The following GUCY1A2 variants were observed in gnomAD, a reference collection of about 807,000 sequenced individuals.
The protein encoded by GUCY1A2 is guanylate cyclase soluble subunit alpha-2.
GUCY1A2 carries 27 observed loss-of-function variants against 63.5 expected under a neutral mutation model. That is an observed-to-expected ratio of 0.43 (90% CI 0.31 to 0.59). The LOEUF (loss-of-function observed/expected upper bound fraction) is 0.59, where lower values mean the gene tolerates loss of function less well. Ranked by LOEUF, GUCY1A2 falls within the 20% of genes least tolerant of loss-of-function variation. The probability of loss-of-function intolerance (pLI) is 0.11; values close to 1 mark genes in which losing one functional copy is unlikely to be tolerated. For synonymous variants in GUCY1A2, 364 were observed against 343.5 expected (o/e 1.06, Z -0.66); for missense variants, 768 against 913.3 (o/e 0.84, Z 2.05).
At chr11:106,907,173 T>C (rs1199706419) in intron 4 of GUCY1A2, among the ~76,000 whole-genome samples, 1 of 152,080 alleles carries the variant, frequency 6.6e-6, no homozygotes, top group East Asian at 1.9e-4. Flanking sequence ...AGAACTGTTG[T>C]TTCCAAGCAG....
intron 4 of GUCY1A2, chr11:106,827,079 A>G: frequency 6.6e-7 from 1 of 1,510,844 alleles, no homozygotes; most frequent in Non-Finnish European, 9.2e-7. Flanking sequence ...TCAAAATTCT[A>G]AACTCATCCT....
chr11:106,795,489 A>T (rs553595169), intron 5 of GUCY1A2, among the ~76,000 whole-genome samples: 1 of 152,318 alleles, frequency 6.6e-6, no homozygotes, highest in South Asian at 2.1e-4. Flanking sequence ...AATCTTAAGA[A>T]CAGCATTATC....
intron 5 of GUCY1A2, among the ~76,000 whole-genome samples, chr11:106,784,627 T>C (rs1023395827): frequency 5.3e-5 from 8 of 152,204 alleles, no homozygotes; most frequent in Admixed American, 5.2e-4. Flanking sequence ...CCTCCACATT[T>C]TAATTTTATC....
intron 6 of GUCY1A2, among the ~76,000 whole-genome samples, chr11:106,721,284 C>T (rs1176238067): frequency 2.6e-5 from 4 of 152,106 alleles, no homozygotes; most frequent in Non-Finnish European, 4.4e-5. Context: ...CTCTCAAACT[C>T]GCGGCCTCAG....
chr11:106,849,595 C>T (rs1859323631), intron 4 of GUCY1A2, among the ~76,000 whole-genome samples: 1 of 151,412 alleles, frequency 6.6e-6, no homozygotes, highest in Admixed American at 6.6e-5. Context: ...GAGCCCTCTC[C>T]CAGCTCCATA....
chr11:106,726,858 A>G (rs548320247), intron 6 of GUCY1A2, among the ~76,000 whole-genome samples: 1 of 152,278 alleles, frequency 6.6e-6, no homozygotes, highest in South Asian at 2.1e-4. Context: ...GAAGAGTTAA[A>G]TCTGAATTGA....
intron 1 of GUCY1A2, among the ~76,000 whole-genome samples, chr11:106,992,566 G>T (rs77950279): frequency 6.6e-6 from 1 of 151,930 alleles, no homozygotes; most frequent in Non-Finnish European, 1.5e-5. Context: ...TCCTGACCTC[G>T]TGATCTGCCC....
At chr11:106,770,138 G>C (rs1016391170) in intron 6 of GUCY1A2, among the ~76,000 whole-genome samples, 1 of 151,990 alleles carries the variant, frequency 6.6e-6, no homozygotes, top group Non-Finnish European at 1.5e-5. Flanking sequence ...TTTTTGTTAG[G>C]TATTATAAGT....
At chr11:106,882,273 G>A (rs188011588) in intron 4 of GUCY1A2, among the ~76,000 whole-genome samples, 188 of 152,052 alleles carry the variant, frequency 1.2e-3, no homozygotes, top group Middle Eastern at 3.4e-3. Context: ...GTAGAGATGT[G>A]GAGATTCTAA....
Position 106,910,201 on chromosome 11 carries a change from C to T in GUCY1A2, c.1206+29259G>A, listed in dbSNP as rs141937390. Among the ~76,000 whole-genome samples, 259 of 151,960 alleles carry T rather than the reference C, an allele frequency of 1.7e-3. 1 individual carries two copies. Among genetic ancestry groups the T allele is most frequent in the Admixed American group, 4.6e-3 (70 of 15,216 alleles). ...AGGGCCATAGTAAATAATGTTTTCACGTACATCTGTGGCATGGAAAAAGCT... is the reference window on the plus strand; with the variant it reads ...AGGGCCATAGTAAATAATGTTTTCATGTACATCTGTGGCATGGAAAAAGCT... On this transcript the variant is annotated intron_variant, in intron 4 of 7. Coordinates refer to ENST00000526355, the MANE Select transcript of GUCY1A2 (RefSeq NM_000855.3).
At chr11:106,698,379 C>A (rs1004298941) in intron 7 of GUCY1A2, among the ~76,000 whole-genome samples, 1 of 151,712 alleles carries the variant, frequency 6.6e-6, no homozygotes, top group Non-Finnish European at 1.5e-5. Context: ...CCCCCAGACT[C>A]CCAAAATGCT....
rs544604411 is a variant in GUCY1A2, at chr11:106,797,498, G to A, written c.1692+12495C>T. ...TATACATTCTTCTCAGCACCACATCGCAGTTATTCCAAAACTAACCACATA... is the reference window on the plus strand; with the variant it reads ...TATACATTCTTCTCAGCACCACATCACAGTTATTCCAAAACTAACCACATA... On this transcript the variant is annotated intron_variant, in intron 5 of 7. Coordinates refer to ENST00000526355, the MANE Select transcript of GUCY1A2 (RefSeq NM_000855.3). Among the ~76,000 whole-genome samples, 54 of 152,118 alleles carry A rather than the reference G, an allele frequency of 3.5e-4. 1 individual carries two copies. The highest frequency in any genetic ancestry group is 7.7e-4 in the African/African-American group (32 of 41,510).
chr11:106,870,021 C>T (rs771069398), intron 4 of GUCY1A2, among the ~76,000 whole-genome samples: 4 of 147,868 alleles, frequency 2.7e-5, no homozygotes, highest in Non-Finnish European at 4.4e-5. Flanking sequence ...TACCAAACAC[C>T]GCATGTTCTC....
intron 6 of GUCY1A2, among the ~76,000 whole-genome samples, chr11:106,768,974 A>T (rs1591268594): frequency 6.6e-6 from 1 of 152,274 alleles, no homozygotes; most frequent in Middle Eastern, 3.4e-3. Flanking sequence ...AACCAGAAGT[A>T]GACAGGTCCT....
intron 5 of GUCY1A2, among the ~76,000 whole-genome samples, chr11:106,786,705 G>A (rs942126693): frequency 6.6e-6 from 1 of 152,144 alleles, no homozygotes; most frequent in African/African-American, 2.4e-5. Flanking sequence ...TGACAGTCCT[G>A]TAAGATCTTC....
rs1860294540 is a variant in GUCY1A2, at chr11:106,911,569, T to C, written c.1206+27891A>G. Among the ~76,000 whole-genome samples, 4 of 152,114 alleles carry C rather than the reference T, an allele frequency of 2.6e-5. No individual in the cohort carries two copies. In the South Asian group the frequency reaches 8.3e-4, roughly 31 times the overall value. On this transcript the variant is annotated intron_variant, in intron 4 of 7. Coordinates refer to ENST00000526355, the MANE Select transcript of GUCY1A2 (RefSeq NM_000855.3). ...CAATTATCCTTTAAATGCCCAAAGGTTGATTTTGCATGTAAATTACAATTT... is the reference window on the plus strand; with the variant it reads ...CAATTATCCTTTAAATGCCCAAAGGCTGATTTTGCATGTAAATTACAATTT...
At chr11:106,711,313 A>C (rs1052540189) in intron 6 of GUCY1A2, among the ~76,000 whole-genome samples, 6 of 152,198 alleles carry the variant, frequency 3.9e-5, no homozygotes, top group Non-Finnish European at 8.8e-5. Context: ...TTTTATGTGG[A>C]AAAAACATTC....
intron 4 of GUCY1A2, among the ~76,000 whole-genome samples, chr11:106,922,685 A>AG (rs1276647107): frequency 6.4e-5 from 1 of 15,532 alleles, no homozygotes; most frequent in Non-Finnish European, 1.5e-4. Context: ...ATATATATAT[A>AG]TATATATATA....
chr11:106,726,251 C>G (rs7126017), intron 6 of GUCY1A2, among the ~76,000 whole-genome samples: 35,870 of 151,738 alleles, frequency 0.24, 4,378 homozygotes, highest in South Asian at 0.27. Context: ...CTCGTCTCTA[C>G]TAAAAAACAC....
Sources: gnomAD v4.1 joint callset for allele counts (sites outside exome capture counted in the v4.1 genomes callset) on GRCh38, gnomAD v4.1.1 for gene constraint, MANE v1.5 for transcripts, NCBI Gene and HGNC (gene_info 2026-07-23, HGNC 2026-07-21) for gene names.